The following STXBP5L variants were observed in gnomAD, a reference collection of about 807,000 sequenced individuals.
The protein encoded by STXBP5L is syntaxin-binding protein 5-like.
A neutral mutation model predicts 144.5 loss-of-function variants in STXBP5L; 65 were observed. The ratio of observed to expected loss-of-function variants is 0.45; its 90% CI spans 0.37 to 0.55. The LOEUF (loss-of-function observed/expected upper bound fraction) is 0.55, where lower values mean the gene tolerates loss of function less well. STXBP5L is among the 20% of genes least tolerant of loss of function. The pLI is 0.00. For synonymous variants in STXBP5L, 505 were observed against 469.6 expected (o/e 1.08, Z -0.97); for missense variants, 1,298 against 1,405.5 (o/e 0.92, Z 1.22).
At chr3:121,184,937 A>G (rs568132929) in intron 9 of STXBP5L, among the ~76,000 whole-genome samples, 1 of 152,210 alleles carries the variant, frequency 6.6e-6, no homozygotes, top group African/African-American at 2.4e-5. Flanking sequence ...AAGAATTTTC[A>G]ACCCAGAATT....
At chr3:121,186,755 G>T (rs982240548) in intron 9 of STXBP5L, among the ~76,000 whole-genome samples, 11 of 152,072 alleles carry the variant, frequency 7.2e-5, no homozygotes, top group Admixed American at 3.9e-4. Context: ...TGGGCAAAGG[G>T]TATGAACAGA....
At chr3:121,308,637 G>A (rs1438551390) in intron 19 of STXBP5L, among the ~76,000 whole-genome samples, 2 of 152,110 alleles carry the variant, frequency 1.3e-5, no homozygotes, top group East Asian at 1.9e-4. Flanking sequence ...TGGGAGCAAA[G>A]TTCTGTTTCA....
At chr3:121,331,551 A>C (rs899084568) in intron 20 of STXBP5L, among the ~76,000 whole-genome samples, 1 of 152,178 alleles carries the variant, frequency 6.6e-6, no homozygotes, top group Non-Finnish European at 1.5e-5. Flanking sequence ...CTGGGTGAAG[A>C]GTGTGTCTGG....
At chr3:121,373,900 G>T (rs990206559) in intron 20 of STXBP5L, among the ~76,000 whole-genome samples, 1 of 152,126 alleles carries the variant, frequency 6.6e-6, no homozygotes, top group Non-Finnish European at 1.5e-5. Context: ...CAGTGCCAAT[G>T]CATGCATCCT....
intron 9 of STXBP5L, among the ~76,000 whole-genome samples, chr3:121,173,175 G>A (rs115296320): frequency 0.12 from 18,177 of 151,870 alleles, 1,142 homozygotes; most frequent in Non-Finnish European, 0.14. Context: ...AATGGGGCCT[G>A]TTAGGGGATG....
chr3:121,322,091 A>G (rs1192831907), intron 20 of STXBP5L, among the ~76,000 whole-genome samples: 1 of 151,972 alleles, frequency 6.6e-6, no homozygotes, highest in African/African-American at 2.4e-5. Flanking sequence ...GCTCTCACTT[A>G]CAAATAAGAA....
chr3:121,038,377 T>A (rs552947317), intron 3 of STXBP5L, among the ~76,000 whole-genome samples: 1 of 152,118 alleles, frequency 6.6e-6, no homozygotes, highest in African/African-American at 2.4e-5. Context: ...AATGCTTATT[T>A]AGTAGTTTAT....
chr3:121,194,509 C>T (rs970247928), intron 9 of STXBP5L, among the ~76,000 whole-genome samples: 2 of 151,048 alleles, frequency 1.3e-5, no homozygotes, highest in Non-Finnish European at 2.9e-5. Flanking sequence ...CACTCCCTGC[C>T]TTGAAAAAAA....
intron 18 of STXBP5L, among the ~76,000 whole-genome samples, chr3:121,270,378 G>A (rs183255623): frequency 1.3e-4 from 19 of 151,986 alleles, no homozygotes; most frequent in Admixed American, 1.1e-3. Flanking sequence ...TCTATTCACA[G>A]AACAGAATCA....
At chr3:121,091,310 G>T (rs2042778954) in intron 5 of STXBP5L, among the ~76,000 whole-genome samples, 1 of 147,338 alleles carries the variant, frequency 6.8e-6, no homozygotes, top group South Asian at 2.1e-4. Context: ...GGGATGGCTG[G>T]GTCAAATGGT....
chr3:121,187,690 A>C (rs1052163413), intron 9 of STXBP5L, among the ~76,000 whole-genome samples: 1 of 152,158 alleles, frequency 6.6e-6, no homozygotes, highest in African/African-American at 2.4e-5. Flanking sequence ...CACACATAAC[A>C]ATGTTAACCT....
intron 5 of STXBP5L, among the ~76,000 whole-genome samples, chr3:121,071,143 G>A (rs1358650021): frequency 6.6e-6 from 1 of 152,158 alleles, no homozygotes; most frequent in Admixed American, 6.5e-5. Flanking sequence ...AGGTGAAAGT[G>A]TCGGTGGCTT....
chr3:121,264,662 A>G (rs912241856), intron 18 of STXBP5L, among the ~76,000 whole-genome samples: 5 of 152,196 alleles, frequency 3.3e-5, no homozygotes, highest in Non-Finnish European at 7.4e-5. Flanking sequence ...AAATGCCCCA[A>G]TTAAAAGACA....
chr3:121,217,728 T>C (rs2048828799), intron 10 of STXBP5L, among the ~76,000 whole-genome samples: 1 of 152,120 alleles, frequency 6.6e-6, no homozygotes, highest in Non-Finnish European at 1.5e-5. Flanking sequence ...TAATCTTTAT[T>C]GTGTTATCTA....
intron 5 of STXBP5L, among the ~76,000 whole-genome samples, chr3:121,070,255 C>T (rs1399984453): frequency 1.3e-5 from 2 of 152,224 alleles, no homozygotes; most frequent in East Asian, 1.9e-4. Flanking sequence ...AGCATTACGA[C>T]ATTTCTTACA....
chr3:121,040,689 C>G (rs1947084859), intron 3 of STXBP5L, among the ~76,000 whole-genome samples: 1 of 152,024 alleles, frequency 6.6e-6, no homozygotes, highest in Non-Finnish European at 1.5e-5. Context: ...TTCTGTCTCC[C>G]CATTCAGTAG....
At chr3:121,367,405 T>C (rs1222192256) in intron 20 of STXBP5L, among the ~76,000 whole-genome samples, 2 of 152,222 alleles carry the variant, frequency 1.3e-5, no homozygotes, top group Admixed American at 6.5e-5. Context: ...TTGCCAGATA[T>C]AGGACTCTTG....
intron 20 of STXBP5L, among the ~76,000 whole-genome samples, chr3:121,361,000 TTTTG>T (rs1350438985): frequency 6.6e-6 from 1 of 152,174 alleles, no homozygotes; most frequent in Non-Finnish European, 1.5e-5. Flanking sequence ...CTCCCTCAGC[TTTTG>T]TTTGTCTAGG....
chr3:121,342,418 A>G (rs2044748730), intron 20 of STXBP5L, among the ~76,000 whole-genome samples: 2 of 151,858 alleles, frequency 1.3e-5, no homozygotes, highest in South Asian at 2.1e-4. Context: ...ACATATGTAT[A>G]CATGTGCCAT....
Sources: gnomAD v4.1 joint callset for allele counts (sites outside exome capture counted in the v4.1 genomes callset) on GRCh38, gnomAD v4.1.1 for gene constraint, MANE v1.5 for transcripts, NCBI Gene and HGNC (gene_info 2026-07-23, HGNC 2026-07-21) for gene names.